Variants in NCOR2 observed in about 807,000 individuals in gnomAD.
The protein encoded by NCOR2 is CTG repeat protein 26.
Under a neutral mutation model 262.9 loss-of-function variants are expected in NCOR2, and 81 were observed. The observed-to-expected ratio is 0.31, with a 90% CI of 0.26 to 0.37. NCOR2 has a LOEUF of 0.37. Ranked by LOEUF, NCOR2 falls within the 10% of genes least tolerant of loss-of-function variation. The pLI is 1.00. For missense variants in NCOR2, 3,385 were observed against 3,621.4 expected (o/e 0.93, Z 1.68); for synonymous variants, 1,659 against 1,559.3 (o/e 1.06, Z -1.51).
chr12:124,391,792 C>T (rs901083531), intron 16 of NCOR2, among the ~76,000 whole-genome samples: 1 of 152,230 alleles, frequency 6.6e-6, no homozygotes, highest in Admixed American at 6.5e-5. Context: ...CAAAAAAACC[C>T]AGACTCATTA....
chr12:124,564,555 G>C (rs955393811), intron 1 of NCOR2, among the ~76,000 whole-genome samples: 37 of 107,522 alleles, frequency 3.4e-4, no homozygotes, highest in Non-Finnish European at 5.8e-4. Flanking sequence ...CCCACGGTCA[G>C]AGGCAGCATT....
chr12:124,422,642 C>T, intron 11 of NCOR2, 87 bp from the exon 14 acceptor site: 1 of 1,530,472 alleles, frequency 6.5e-7, no homozygotes, highest in East Asian at 2.3e-5. Context: ...GCCTGCCATC[C>T]CCACTGGCCG....
intron 20 of NCOR2, among the ~76,000 whole-genome samples, chr12:124,370,247 G>A (rs960357186): frequency 6.6e-6 from 1 of 152,234 alleles, no homozygotes; most frequent in Admixed American, 6.5e-5. Context: ...CCAGGCCTTT[G>A]CTCATCACAG....
chr12:124,362,084 C>A, intron 22 of NCOR2, 42 bp downstream of exon 24: 1 of 1,262,080 alleles, frequency 7.9e-7, no homozygotes, highest in Admixed American at 3.5e-5. Flanking sequence ...CCCGTCAGTC[C>A]CCTGCTGCCC....
chr12:124,350,828 G>C, intron 27 of NCOR2, 91 bp from the exon 30 acceptor site: 1 of 1,408,568 alleles, frequency 7.1e-7, no homozygotes, highest in Non-Finnish European at 9.6e-7. Context: ...AAAAGCCCAT[G>C]TGCCCACCGA....
At chr12:124,544,892 G>T (rs1262461289) in intron 1 of NCOR2, among the ~76,000 whole-genome samples, 1 of 152,130 alleles carries the variant, frequency 6.6e-6, no homozygotes, top group Non-Finnish European at 1.5e-5. Flanking sequence ...GTTTCCTCTC[G>T]GTGAAACGGA....
intron 1 of NCOR2, among the ~76,000 whole-genome samples, chr12:124,506,263 A>C (rs1261190986): frequency 6.6e-6 from 1 of 152,222 alleles, no homozygotes; most frequent in African/African-American, 2.4e-5. Context: ...CACAGTCAGG[A>C]TACGGGTGCC....
intron 13 of NCOR2, among the ~76,000 whole-genome samples, chr12:124,404,072 C>T (rs888452175): frequency 3.3e-5 from 5 of 152,236 alleles, no homozygotes; most frequent in African/African-American, 9.6e-5. Context: ...AACCCTCAAA[C>T]GTAACGTTTA....
At chr12:124,497,062 T>C (rs566057444), upstream of NCOR2, among the ~76,000 whole-genome samples, 33 of 152,326 alleles carry the variant, frequency 2.2e-4, no homozygotes, top group African/African-American at 7.9e-4. The surrounding 1 kb of genome is among the most constrained non-coding windows in gnomAD (Gnocchi z 4.2). Context: ...GCCTGCTCAC[T>C]TCATTAGGGG....
chr12:124,488,464 G>A (rs1460664532), intron 1 of NCOR2, among the ~76,000 whole-genome samples: 1 of 152,172 alleles, frequency 6.6e-6, no homozygotes, highest in Non-Finnish European at 1.5e-5. Flanking sequence ...AAGGAGGCCT[G>A]CACCTCCTAC....
At chr12:124,436,237 T>A (rs1219814709) in intron 8 of NCOR2, among the ~76,000 whole-genome samples, 1 of 152,186 alleles carries the variant, frequency 6.6e-6, no homozygotes, top group Non-Finnish European at 1.5e-5. Context: ...ACCACAGACC[T>A]ACAGGCGCTG....
chr12:124,353,759 C>G (rs1436470678), intron 27 of NCOR2, among the ~76,000 whole-genome samples: 1 of 152,260 alleles, frequency 6.6e-6, no homozygotes, highest in Non-Finnish European at 1.5e-5. Context: ...TCACCTTCCT[C>G]ACCTGTCTAA....
intron 5 of NCOR2, among the ~76,000 whole-genome samples, chr12:124,464,969 C>T (rs922438190): frequency 2.0e-5 from 3 of 152,182 alleles, no homozygotes; most frequent in Non-Finnish European, 2.9e-5. Context: ...CCCAAACAGG[C>T]TTGTCTCATT....
At chr12:124,326,484 G>A in intron 45 of NCOR2, 114 bp from the exon 48 acceptor site, 1 of 1,078,074 alleles carries the variant, frequency 9.3e-7, no homozygotes, top group Non-Finnish European at 1.2e-6. Context: ...CAAAGAGGGA[G>A]GGAGAGCAGT....
At chr12:124,495,376 A>T, upstream of NCOR2, 1 of 1,439,062 alleles carries the variant, frequency 6.9e-7, no homozygotes, top group Non-Finnish European at 9.1e-7. The surrounding 1 kb of genome is among the most constrained non-coding windows in gnomAD (Gnocchi z 4.4). Context: ...CACCTGCGGG[A>T]AAACAAGAAA....
intron 32 of NCOR2, 129 bp downstream of exon 34, chr12:124,344,468 T>G (rs910525148): frequency 1.2e-6 from 1 of 841,044 alleles, no homozygotes; most frequent in Non-Finnish European, 1.7e-6. Context: ...GGCCTGCAGG[T>G]GGTTTGGATG....
In NCOR2 at chr12:124,337,072, G is replaced by A. The variant is rs199729163; in HGVS notation, c.5796C>T (p.Pro1932=). The stretch of plus-strand genomic sequence containing the variant: ...GGGGGGCCTCCTTGGGCAGCAAGAC[G>A]GGCTCCATGAGGGTAGGGTAGACCC... The change falls in exon 38 of 47, where the codon CCC becomes CCT. Residue 1932 remains proline, a synonymous_variant. Transcript: ENST00000405201. The A allele has an allele frequency of 1.2e-3, 1,749 of 1,486,530 alleles. 17 individuals are homozygous for A. In the South Asian group the frequency reaches 0.017, roughly 14 times the overall value. 92.1% of individuals were successfully genotyped at this position (1,486,530 alleles called of 1,614,324 possible).
chr12:124,467,618 CCCT>C (rs776327282), intron 4 of NCOR2, among the ~76,000 whole-genome samples: 1 of 107,020 alleles, frequency 9.3e-6, no homozygotes, highest in African/African-American at 3.7e-5. Flanking sequence ...CTCATTACCC[CCCT>C]CATCTTCATC....
Position 124,337,190 on chromosome 12 carries a change from G to T in NCOR2, c.5688-10C>A. The T allele has an allele frequency of 6.5e-7, 1 of 1,545,444 alleles. No individual in the cohort carries two copies. Among genetic ancestry groups the T allele is most frequent in the South Asian group, 1.2e-5 (1 of 83,564 alleles). On this transcript the variant is annotated splice_polypyrimidine_tract_variant and intron_variant, in intron 37 of 46. Transcript: ENST00000405201. ...GGAGGTGGAGGTGGACCTGGGGGAG[G>T]AGAGAAGGCGGTCAGGCAGTCATGG...
Sources: allele counts gnomAD v4.1 joint callset (sites outside exome capture counted in the v4.1 genomes callset), GRCh38; gene constraint gnomAD v4.1.1; non-coding constraint Gnocchi (gnomAD v3.1); transcripts MANE v1.5; gene names NCBI Gene and HGNC (gene_info 2026-07-23, HGNC 2026-07-21).